COL16A1: variants seen among roughly 807,000 people sequenced by gnomAD.
COL16A1 encodes collagen type XVI alpha 1 chain.
A neutral mutation model predicts 266.3 loss-of-function variants in COL16A1; 189 were observed. The observed-to-expected ratio is 0.71, with a 90% confidence interval of 0.63 to 0.80. The LOEUF (loss-of-function observed/expected upper bound fraction) is 0.80. Ranked by LOEUF, COL16A1 falls within the 30% of genes least tolerant of loss-of-function variation. COL16A1 has a pLI of 0.00. For missense variants in COL16A1, 1,928 were observed against 2,122.4 expected, an observed-to-expected ratio of 0.91 and a Z score of 1.80; for synonymous variants, 740 against 782.3, an observed-to-expected ratio of 0.95 and a Z score of 0.90.
intron 55 of COL16A1, 115 bp downstream of exon 55, chr1:31,665,468 C>G: frequency 6.3e-7 from 1 of 1,586,662 alleles, no homozygotes; most frequent in Non-Finnish European, 8.6e-7. Flanking sequence ...GCCGTTCTCC[C>G]CTGCCTCTCC....
chr1:31,653,915 G>A lies in COL16A1; in HGVS notation c.4486C>T (p.Pro1496Ser), dbSNP rs369768004. ...CGTCCTTCTCTGCCAATCTGACCAGGGAGCCCAGGTGACCCTGGAGCACCT... is the reference window on the plus strand; with the variant it reads ...CGTCCTTCTCTGCCAATCTGACCAGAGAGCCCAGGTGACCCTGGAGCACCT... ...RPGAPGSPGL[P>S]GQIGREGRQG... The change falls in exon 69 of 71, where the codon CCT (proline) becomes TCT (serine). Residue 1496 changes from proline (P) to serine (S), a missense_variant. Around this residue, in one of 2 missense-constraint regions of COL16A1, gnomAD observed 376 missense variants for 485.2 expected, o/e 0.77. Transcript: ENST00000373672. 2.0e-5 allele frequency: 33 copies of A among 1,613,890 alleles called. No individual in the cohort carries two copies. The highest frequency in any genetic ancestry group is 2.7e-5 in the African/African-American group (2 of 74,904).
Position 31,679,843 on chromosome 1 carries a change from CG to C in COL16A1, c.2678del (p.Pro893ArgfsTer148). On this transcript the variant is annotated frameshift_variant, in exon 41 of 71. Coordinates refer to ENST00000373672, the MANE Select transcript of COL16A1 (RefSeq NM_001856.4). LOFTEE classifies it high-confidence loss of function. ...GCCAGGAGCTGCCCATCCAAAGTCC[CG>C]GAGCACCCTGGGTGGGAGTGGGGGT... is the stretch of plus-strand genomic sequence containing the variant. ...DLIFSGMPGAPGLWMGSSWQP... is the reference protein window; with the variant it reads ...DLIFSGMPGAXGLWMGSSWQP... The C allele has an allele frequency of 6.5e-7, 1 of 1,529,258 alleles. No homozygotes were observed. Among genetic ancestry groups the C allele is most frequent in the Non-Finnish European group, 8.8e-7 (1 of 1,139,486 alleles). The allele number at this position is 1,529,258 out of a possible 1,614,324, so 94.7% of individuals were successfully genotyped here. A position where few individuals can be genotyped will look rare whatever the true frequency, so the allele number is the denominator to read the frequency against.
At position 31,657,349 on chromosome 1, in the gene COL16A1, G is replaced by A. The variant is rs1641256783; in HGVS notation, c.4021-281C>T. The A allele has an allele frequency of 1.9e-6, 1 of 516,436 alleles. No homozygotes were observed. Among genetic ancestry groups the A allele is most frequent in the Non-Finnish European group, 3.5e-6 (1 of 286,952 alleles). 32.0% of individuals were successfully genotyped at this position (516,436 alleles called of 1,614,324 possible). ...TGCCTTGCTGTGTGCTTGGATCCTGGCACCTTGCACACTCCCTGGCTCTGA... is the reference window on the plus strand; with the variant it reads ...TGCCTTGCTGTGTGCTTGGATCCTGACACCTTGCACACTCCCTGGCTCTGA... On this transcript the variant is annotated intron_variant, in intron 64 of 70. Transcript: ENST00000373672. The surrounding 1 kb of genome is among the most constrained non-coding windows in gnomAD (Gnocchi z 6.4).
chr1:31,672,585 G>A lies in COL16A1; in HGVS notation c.3018+11C>T, dbSNP rs1457545555. Reference sequence around the variant, plus strand: ...GGGGCATGATCGGGGGAGATAAGGCGAGGCACTCACCCGGGCCTCCTCGGC... The same window carrying A: ...GGGGCATGATCGGGGGAGATAAGGCAAGGCACTCACCCGGGCCTCCTCGGC... On this transcript the variant is annotated intron_variant, in intron 46 of 70. Coordinates refer to ENST00000373672, the MANE Select transcript of COL16A1 (RefSeq NM_001856.4). 2.3e-5 allele frequency: 37 copies of A among 1,608,616 alleles called. No individual in the cohort carries two copies. The highest frequency in any genetic ancestry group is 2.6e-5 in the Non-Finnish European group (31 of 1,176,410).
chr1:31,690,224 C>T lies in COL16A1; in HGVS notation c.1509+143G>A, dbSNP rs966131514. 36 of 1,314,854 alleles carry T rather than the reference C, an allele frequency of 2.7e-5. 1 individual carries two copies. Among genetic ancestry groups the T allele is most frequent in the Non-Finnish European group, 3.7e-5 (35 of 958,814 alleles). The allele number at this position is 1,314,854 out of a possible 1,614,324, so 81.4% of individuals were successfully genotyped here. On this transcript the variant is annotated intron_variant, in intron 22 of 70. Coordinates refer to ENST00000373672, the MANE Select transcript of COL16A1 (RefSeq NM_001856.4). ...CCAGGTTCTTTATGTACTCACTGCA[C>T]ATGGACATCAGAGGAAGAACGGGTG...
intron 44 of COL16A1, among the ~76,000 whole-genome samples, chr1:31,674,082 C>T (rs766693948): frequency 3.9e-5 from 6 of 152,160 alleles, no homozygotes; most frequent in Non-Finnish European, 5.9e-5. Flanking sequence ...GAGGTTACCC[C>T]GACCTCCTCT....
Position 31,661,386 on chromosome 1 carries a change from C to G in COL16A1, c.3771+28G>C, listed in dbSNP as rs189622346. ...AAGCCTTCAGGAGAGCAGAGATAACCTGCTTGGCAGAGGTCACCAGCCCTT... is the reference window on the plus strand; with the variant it reads ...AAGCCTTCAGGAGAGCAGAGATAACGTGCTTGGCAGAGGTCACCAGCCCTT... On this transcript the variant is annotated intron_variant, in intron 60 of 70. Transcript: ENST00000373672. The G allele has an allele frequency of 5.9e-4, 954 of 1,613,944 alleles. 3 individuals carry two copies. In the African/African-American group the frequency reaches 0.011, roughly 18 times the overall value.
In COL16A1 at chr1:31,653,925, T is replaced by G; in HGVS notation, c.4476A>C (p.Ser1492=). The G allele has an allele frequency of 6.2e-7, 1 of 1,614,124 alleles. No individual in the cohort carries two copies. The highest frequency in any genetic ancestry group is 8.5e-7 in the Non-Finnish European group (1 of 1,180,002). Residue 1492 remains serine, a synonymous_variant, in exon 69 of 71, where the codon TCA becomes TCC. Transcript: ENST00000373672. ...GAPGRPGAPG[S]PGLPGQIGRE... is the part of the protein sequence containing the mutation. ...TGCCAATCTGACCAGGGAGCCCAGG[T>G]GACCCTGGAGCACCTGGCCTGCCCG... is the stretch of plus-strand genomic sequence containing the variant.
At chr1:31,703,487 G>C (rs1482635311) in intron 1 of COL16A1, among the ~76,000 whole-genome samples, 1 of 152,092 alleles carries the variant, frequency 6.6e-6, no homozygotes, top group Non-Finnish European at 1.5e-5. Flanking sequence ...CAATAGAAGG[G>C]CTGCCAGCTG....
Position 31,697,939 on chromosome 1 carries a change from T to C in COL16A1, c.624A>G (p.Leu208=), listed in dbSNP as rs763896357. The C allele has an allele frequency of 5.6e-6, 9 of 1,611,588 alleles. No homozygotes were observed. In the South Asian group the frequency reaches 8.8e-5, roughly 16 times the overall value. ...GCTTGCCCTGCTCAGCATCCAAGCC[T>C]AGAAATACATGGCCCACAGGCCTCA... is the stretch of plus-strand genomic sequence containing the variant. ...RPMRPVGHVF[L]GLDAEQGKPV... is the part of the protein sequence containing the mutation. Residue 208 remains leucine (L), a synonymous_variant, in exon 6 of 71, where the codon CTA becomes CTG. Coordinates refer to ENST00000373672, the MANE Select transcript of COL16A1 (RefSeq NM_001856.4). This position sits in a 1 kb window ranked among gnomAD's most constrained non-coding sequence, Gnocchi z 4.2.
At chr1:31,665,472 C>T in intron 55 of COL16A1, 111 bp downstream of exon 55, 3 of 1,591,322 alleles carry the variant, frequency 1.9e-6, no homozygotes, top group Non-Finnish European at 2.6e-6. Flanking sequence ...TTCTCCCCTG[C>T]CTCTCCCCTC....
chr1:31,659,970 T>C (rs1240508868), intron 62 of COL16A1: 1 of 150,776 alleles, frequency 6.6e-6, no homozygotes, highest in Non-Finnish European at 1.5e-5. Context: ...TTTTTTTTTT[T>C]TTTTTGGTCA....
chr1:31,703,310 G>A (rs946080446), intron 1 of COL16A1, among the ~76,000 whole-genome samples: 1 of 152,140 alleles, frequency 6.6e-6, no homozygotes, highest in Non-Finnish European at 1.5e-5. Flanking sequence ...ATCATGGATA[G>A]GAAATGAAAA....
intron 67 of COL16A1, 79 bp from the exon 68 acceptor site, chr1:31,654,937 G>C (rs992967994): frequency 2.6e-6 from 4 of 1,566,856 alleles, no homozygotes; most frequent in African/African-American, 1.4e-5. Flanking sequence ...AGGATGGGGA[G>C]GAAGGCAAAG....
intron 22 of COL16A1, 96 bp downstream of exon 22, chr1:31,690,271 A>G: frequency 1.3e-6 from 2 of 1,568,826 alleles, no homozygotes; most frequent in East Asian, 2.4e-5. Flanking sequence ...AGGAAGGTCC[A>G]GCACCCCTAG....
In COL16A1 at chr1:31,667,503, C is replaced by G. The variant is rs1398748293; in HGVS notation, c.3357+72G>C. 3 of 1,331,124 alleles carry G rather than the reference C, an allele frequency of 2.3e-6. No homozygotes were observed. In the East Asian group the frequency reaches 7.6e-5, roughly 34 times the overall value. 82.5% of individuals were successfully genotyped at this position (1,331,124 alleles called of 1,614,324 possible). On this transcript the variant is annotated intron_variant, in intron 52 of 70. Coordinates refer to ENST00000373672, the MANE Select transcript of COL16A1 (RefSeq NM_001856.4). Reference sequence around the variant, plus strand: ...CGATCCTCCCCTTCACAGGCTGCTGCCAAGTCTCCAGCCCGAGACTGTGTG... The same window carrying G: ...CGATCCTCCCCTTCACAGGCTGCTGGCAAGTCTCCAGCCCGAGACTGTGTG...
At chr1:31,682,105 T>C (rs1376161210) in intron 37 of COL16A1, among the ~76,000 whole-genome samples, 2 of 152,254 alleles carry the variant, frequency 1.3e-5, no homozygotes, top group African/African-American at 2.4e-5. Flanking sequence ...AAAGGTAGCA[T>C]GCCTTTGATT....
In COL16A1 at chr1:31,664,945, C is replaced by T. The variant is rs151224497; in HGVS notation, c.3555+227G>A. On this transcript the variant is annotated intron_variant, in intron 56 of 70. Transcript: ENST00000373672. This position sits in a 1 kb window ranked among gnomAD's most constrained non-coding sequence, Gnocchi z 5.5. ...ACAAGGGCCTGGGCTGCACAGAGGC[C>T]GCAGGCATCCTGGGCCAAGCAGACA... Among the ~76,000 whole-genome samples, 22 of 152,282 alleles carry T rather than the reference C, an allele frequency of 1.4e-4. No homozygotes were observed. The highest frequency in any genetic ancestry group is 4.6e-4 in the African/African-American group (19 of 41,552).
intron 62 of COL16A1, among the ~76,000 whole-genome samples, chr1:31,659,501 C>T (rs1641456336): frequency 1.3e-5 from 2 of 152,154 alleles, no homozygotes; most frequent in South Asian, 4.1e-4. Context: ...TGCTGCTGCA[C>T]TAGGGCTGCG....
Sources: allele counts gnomAD v4.1 joint callset (sites outside exome capture counted in the v4.1 genomes callset), GRCh38; gene constraint gnomAD v4.1.1; regional missense constraint gnomAD v4.1.1; non-coding constraint Gnocchi (gnomAD v3.1); transcripts MANE v1.5; gene names NCBI Gene and HGNC (gene_info 2026-07-23, HGNC 2026-07-21).